The following ATXN1 variants were observed in gnomAD, a reference collection of about 807,000 sequenced individuals.
The protein encoded by ATXN1 is ataxin-1.
In ATXN1, 8 loss-of-function variants were observed where a neutral mutation model predicts 56.4. The ratio of observed to expected loss-of-function variants is 0.14; its 90% CI spans 0.08 to 0.26. The LOEUF (loss-of-function observed/expected upper bound fraction) is 0.26, where lower values mean the gene tolerates loss of function less well. Ranked by LOEUF, ATXN1 falls within the 10% of genes least tolerant of loss-of-function variation. The pLI is 1.00. For synonymous variants in ATXN1, 514 were observed against 494.6 expected (o/e 1.04, Z -0.52); for missense variants, 987 against 1,106.5 (o/e 0.89, Z 1.53).
chr6:16,581,426 C>T (rs192392976), intron 4 of ATXN1, among the ~76,000 whole-genome samples: 2 of 151,886 alleles, frequency 1.3e-5, no homozygotes, highest in Non-Finnish European at 2.9e-5. Context: ...ACAGTAAATC[C>T]GAAGCTAAAA....
chr6:16,561,723 GA>G (rs1345402657), intron 4 of ATXN1, among the ~76,000 whole-genome samples: 1 of 152,212 alleles, frequency 6.6e-6, no homozygotes, highest in Non-Finnish European at 1.5e-5. Context: ...TGTGGTCCTG[GA>G]AAAGAATATA....
At chr6:16,729,358 T>C (rs536372728) in intron 2 of ATXN1, among the ~76,000 whole-genome samples, 1 of 152,316 alleles carries the variant, frequency 6.6e-6, no homozygotes, top group African/African-American at 2.4e-5. Context: ...TCATGGATAT[T>C]GTGTTAAATA....
chr6:16,661,548 C>T (rs1758320968), intron 2 of ATXN1, among the ~76,000 whole-genome samples: 1 of 152,202 alleles, frequency 6.6e-6, no homozygotes, highest in Admixed American at 6.5e-5. Flanking sequence ...CCAGTGATCC[C>T]ACCTCTTGGA....
At position 16,328,940 on chromosome 6, in the gene ATXN1, AAAC is replaced by A. The variant is rs1305387651; in HGVS notation, c.-160-473_-160-471del. ...ACACTCTGTCTCCAAAAACGAAACA[AAAC>A]AACAACAACAAAAACAAAAACACTA... On this transcript the variant is annotated intron_variant, in intron 6 of 7. Transcript: ENST00000436367. This position sits in a 1 kb window ranked among gnomAD's most constrained non-coding sequence, Gnocchi z 6.2. Among the ~76,000 whole-genome samples, 1 of 152,022 alleles carries A rather than the reference AAAC, an allele frequency of 6.6e-6. No individual in the cohort carries two copies. Among genetic ancestry groups the A allele is most frequent in the Non-Finnish European group, 1.5e-5 (1 of 67,994 alleles).
chr6:16,667,522 TAGA>T (rs1335158179), intron 2 of ATXN1: 1 of 152,194 alleles, frequency 6.6e-6, no homozygotes, highest in African/African-American at 2.4e-5. Flanking sequence ...TTTTGATTCT[TAGA>T]AGGACATGAG....
intron 6 of ATXN1, among the ~76,000 whole-genome samples, chr6:16,386,403 CAT>C (rs1190985193): frequency 6.6e-6 from 1 of 152,216 alleles, no homozygotes; most frequent in African/African-American, 2.4e-5. Flanking sequence ...AACATTTTAA[CAT>C]ATTTGCAAAG....
At chr6:16,721,054 T>TC (rs1759735356) in intron 2 of ATXN1, among the ~76,000 whole-genome samples, 1 of 152,116 alleles carries the variant, frequency 6.6e-6, no homozygotes, top group African/African-American at 2.4e-5. Flanking sequence ...GATAACCAGC[T>TC]CCCCCGTTCC....
chr6:16,698,248 T>C (rs1759207972), intron 2 of ATXN1, among the ~76,000 whole-genome samples: 1 of 152,228 alleles, frequency 6.6e-6, no homozygotes, highest in South Asian at 2.1e-4. Flanking sequence ...TGACTGTTGC[T>C]GAAGAAGGGC....
chr6:16,500,658 G>A (rs1760865253), intron 5 of ATXN1, among the ~76,000 whole-genome samples: 2 of 151,416 alleles, frequency 1.3e-5, no homozygotes, highest in African/African-American at 2.4e-5. Context: ...AAGGTACCTG[G>A]GTAGGGTTTT....
chr6:16,524,437 A>G (rs1267745933), intron 4 of ATXN1, among the ~76,000 whole-genome samples: 2 of 152,214 alleles, frequency 1.3e-5, no homozygotes, highest in Non-Finnish European at 2.9e-5. Flanking sequence ...TTTTCATCCT[A>G]ACAACAGACG....
intron 3 of ATXN1, among the ~76,000 whole-genome samples, chr6:16,624,850 TAACTTC>T (rs1763381174): frequency 1.3e-5 from 2 of 152,228 alleles, no homozygotes; most frequent in African/African-American, 4.8e-5. Flanking sequence ...ACTTGCAGTT[TAACTTC>T]AACTCCTGAA....
intron 3 of ATXN1, among the ~76,000 whole-genome samples, chr6:16,606,267 A>G (rs1399776399): frequency 6.6e-6 from 1 of 152,186 alleles, no homozygotes; most frequent in Non-Finnish European, 1.5e-5. Flanking sequence ...TATTCAATAA[A>G]TATTTCTTTA....
chr6:16,401,182 T>A (rs969868762), intron 6 of ATXN1, among the ~76,000 whole-genome samples: 10 of 152,206 alleles, frequency 6.6e-5, no homozygotes, highest in Admixed American at 2.6e-4. Flanking sequence ...GGGGCTTGCT[T>A]AGGCCAGGGA....
intron 3 of ATXN1, among the ~76,000 whole-genome samples, chr6:16,642,439 A>C (rs889478777): frequency 1.1e-4 from 17 of 152,210 alleles, no homozygotes; most frequent in Admixed American, 9.8e-4. Context: ...GTTTCATGAG[A>C]TGTAATCTAC....
At chr6:16,478,557 G>A (rs1304343440) in intron 6 of ATXN1, among the ~76,000 whole-genome samples, 8 of 152,264 alleles carry the variant, frequency 5.3e-5, no homozygotes, top group Non-Finnish European at 8.8e-5. Context: ...AAAGGAAACC[G>A]GAAAACTAGG....
chr6:16,304,725 C>T lies in ATXN1; in HGVS notation c.*1604G>A, dbSNP rs1760200598. The T allele has an allele frequency of 6.6e-6, 1 of 152,620 alleles. No individual in the cohort carries two copies. The highest frequency in any genetic ancestry group is 2.4e-5 in the African/African-American group (1 of 41,442). 9.5% of individuals were successfully genotyped at this position (152,620 alleles called of 1,614,324 possible). On this transcript the variant is annotated 3_prime_UTR_variant, in exon 8 of 8. Coordinates refer to ENST00000436367, the MANE Select transcript of ATXN1 (RefSeq NM_001128164.2). ...ACATTTATTTATGCTCGTTCAGTCC[C>T]CCAAACCTTTCCCACAATGTTATTG...
chr6:16,494,142 G>T lies in ATXN1; in HGVS notation c.-298-8033C>A, dbSNP rs370825327. On this transcript the variant is annotated intron_variant, in intron 5 of 7. Coordinates refer to ENST00000436367, the MANE Select transcript of ATXN1 (RefSeq NM_001128164.2). ...CTCCAGTGCAGGGCTGGACTGAGAG[G>T]CATCTCCAGTGCAGGGCTGGACTGA... Among the ~76,000 whole-genome samples, 3 of 30,344 alleles carry T rather than the reference G, an allele frequency of 9.9e-5. No homozygotes were observed. In the Admixed American group the frequency reaches 1.1e-3, roughly 12 times the overall value. The allele number at this position is 30,344 out of a possible 152,430, so 19.9% of individuals were successfully genotyped here.
intron 6 of ATXN1, among the ~76,000 whole-genome samples, chr6:16,466,139 A>G (rs531197304): frequency 3.8e-4 from 58 of 151,972 alleles, no homozygotes; most frequent in African/African-American, 1.3e-3. Context: ...ACACAGTGAA[A>G]CCCCATCTCT....
At chr6:16,447,378 C>G (rs375954678) in intron 6 of ATXN1, among the ~76,000 whole-genome samples, 12 of 152,126 alleles carry the variant, frequency 7.9e-5, no homozygotes, top group South Asian at 4.1e-4. Context: ...GTGCCCACCA[C>G]CCACCCAGCT....
Sources: allele counts gnomAD v4.1 joint callset (sites outside exome capture counted in the v4.1 genomes callset), GRCh38; gene constraint gnomAD v4.1.1; non-coding constraint Gnocchi (gnomAD v3.1); transcripts MANE v1.5; gene names NCBI Gene and HGNC (gene_info 2026-07-23, HGNC 2026-07-21).